CEP63: variants seen among roughly 807,000 people sequenced by gnomAD.
The protein encoded by CEP63 is centrosomal protein of 63 kDa.
Under a neutral mutation model 89.1 loss-of-function variants are expected in CEP63, and 84 were observed. The observed-to-expected ratio is 0.94, with a 90% confidence interval of 0.79 to 1.13. The LOEUF (loss-of-function observed/expected upper bound fraction) is 1.13, where lower values mean the gene tolerates loss of function less well. CEP63 is among the 50% of genes most tolerant of loss of function. The pLI is 0.00. For missense variants in CEP63, 838 were observed against 813.3 expected, an observed-to-expected ratio of 1.03 and a Z score of -0.37; for synonymous variants, 267 against 272.5, an observed-to-expected ratio of 0.98 and a Z score of 0.20.
the CEP63 span, among the ~76,000 whole-genome samples, chr3:134,766,657 A>C: frequency 4.5e-4 from 68 of 152,328 alleles, no homozygotes; most frequent in Admixed American, 3.9e-4. Context: ...TGGTGTAAGG[A>C]GAGTGAGGCC....
downstream of CEP63, among the ~76,000 whole-genome samples, chr3:134,590,965 GAAT>G (rs1958586072): frequency 6.6e-6 from 1 of 152,170 alleles, no homozygotes; most frequent in African/African-American, 2.4e-5. Flanking sequence ...ATCCTCTTAG[GAAT>G]TCCCTTTGTC....
intron 3 of CEP63, among the ~76,000 whole-genome samples, chr3:134,517,127 A>G (rs1946425274): frequency 6.6e-6 from 1 of 152,142 alleles, no homozygotes; most frequent in Non-Finnish European, 1.5e-5. Context: ...TATGCTCAAT[A>G]GCACGTCCTT....
At chr3:134,714,715 GTAT>G in the CEP63 span, among the ~76,000 whole-genome samples, 1 of 152,242 alleles carries the variant, frequency 6.6e-6, no homozygotes, top group African/African-American at 2.4e-5. Context: ...GTCTAAGACT[GTAT>G]ACAGGTGGTT....
the CEP63 span, chr3:134,603,512 T>C: frequency 6.9e-7 from 1 of 1,444,186 alleles, no homozygotes; most frequent in South Asian, 1.4e-5. Context: ...TCCCTGCACT[T>C]CCTTCGAGCC....
downstream of CEP63, among the ~76,000 whole-genome samples, chr3:134,588,002 A>G (rs1454034787): frequency 1.3e-5 from 2 of 152,226 alleles, no homozygotes; most frequent in Admixed American, 1.3e-4. Context: ...AATACAAGTA[A>G]AACTAATATT....
chr3:134,762,392 T>G, the CEP63 span, among the ~76,000 whole-genome samples: 1 of 152,246 alleles, frequency 6.6e-6, no homozygotes, highest in African/African-American at 2.4e-5. Context: ...AAAGTGCATG[T>G]GAGTGGGGCT....
the CEP63 span, among the ~76,000 whole-genome samples, chr3:134,723,208 T>A: frequency 6.6e-6 from 1 of 152,180 alleles, no homozygotes; most frequent in African/African-American, 2.4e-5. Context: ...CATAGTCTCC[T>A]TATGAGTGGA....
At chr3:134,705,256 G>A in the CEP63 span, among the ~76,000 whole-genome samples, 5 of 152,280 alleles carry the variant, frequency 3.3e-5, no homozygotes, top group South Asian at 6.2e-4. Context: ...CTTCTAGGGA[G>A]GGTTTTTGTG....
intron 12 of CEP63, among the ~76,000 whole-genome samples, chr3:134,554,880 T>C (rs914138467): frequency 2.6e-5 from 4 of 151,972 alleles, no homozygotes; most frequent in African/African-American, 9.7e-5. Flanking sequence ...CATAAATGTC[T>C]TCTTTTGAGA....
chr3:134,729,274 T>A, the CEP63 span, among the ~76,000 whole-genome samples: 3 of 152,324 alleles, frequency 2.0e-5, no homozygotes, highest in Non-Finnish European at 4.4e-5. Flanking sequence ...TTTATTAAGT[T>A]CTTGTGTATT....
intron 2 of CEP63, among the ~76,000 whole-genome samples, chr3:134,502,218 C>T (rs906465563): frequency 1.2e-4 from 18 of 151,838 alleles, no homozygotes; most frequent in African/African-American, 4.4e-4. Context: ...TGATGTGCTG[C>T]TGGATTCAGT....
At chr3:134,525,085 C>T (rs866468410) in intron 3 of CEP63, among the ~76,000 whole-genome samples, 12 of 152,212 alleles carry the variant, frequency 7.9e-5, no homozygotes, top group Admixed American at 2.6e-4. Flanking sequence ...TTCAGGGGTT[C>T]AGTTTCTTCC....
the CEP63 span, among the ~76,000 whole-genome samples, chr3:134,646,612 G>T: frequency 2.6e-5 from 4 of 152,130 alleles, no homozygotes; most frequent in African/African-American, 9.7e-5. Context: ...ATTGTCAGAA[G>T]GATGGTAGAA....
chr3:134,655,002 A>G, the CEP63 span, among the ~76,000 whole-genome samples: 1 of 152,162 alleles, frequency 6.6e-6, no homozygotes, highest in Non-Finnish European at 1.5e-5. Context: ...TGCCAGGCAA[A>G]CCTGTTTCCA....
the CEP63 span, chr3:134,650,921 T>A: frequency 6.2e-7 from 1 of 1,613,124 alleles, no homozygotes; most frequent in Non-Finnish European, 8.5e-7. Flanking sequence ...ATCAGCAGCA[T>A]GTCGATAGAT....
chr3:134,727,890 T>C, the CEP63 span, among the ~76,000 whole-genome samples: 6 of 152,184 alleles, frequency 3.9e-5, no homozygotes, highest in East Asian at 9.6e-4. Flanking sequence ...TTGGGGTCTG[T>C]TGGAAATTTT....
At chr3:134,737,619 T>G in the CEP63 span, among the ~76,000 whole-genome samples, 1 of 152,224 alleles carries the variant, frequency 6.6e-6, no homozygotes, top group Admixed American at 6.5e-5. Flanking sequence ...TCTTTTTCAC[T>G]ATTCTGTGGG....
the CEP63 span, among the ~76,000 whole-genome samples, chr3:134,775,560 G>A: frequency 6.6e-6 from 1 of 152,158 alleles, no homozygotes; most frequent in South Asian, 2.1e-4. Context: ...ACAGCTGGAG[G>A]ATGGATATAC....
chr3:134,596,689 G>A, the CEP63 span, among the ~76,000 whole-genome samples: 10 of 152,308 alleles, frequency 6.6e-5, no homozygotes, highest in East Asian at 1.5e-3. Flanking sequence ...CACTTGCCAA[G>A]CGTTTACCAA....
Sources: allele counts gnomAD v4.1 joint callset (sites outside exome capture counted in the v4.1 genomes callset), GRCh38; gene constraint gnomAD v4.1.1; transcripts MANE v1.5; gene names NCBI Gene and HGNC (gene_info 2026-07-23, HGNC 2026-07-21).